RAB3C: variants seen among roughly 807,000 people sequenced by gnomAD.
RAB3C encodes the protein ras-related protein Rab-3C.
Under a neutral mutation model 26.4 loss-of-function variants are expected in RAB3C, and 17 were observed. The ratio of observed to expected loss-of-function variants is 0.64; its 90% CI spans 0.44 to 0.97. The LOEUF (loss-of-function observed/expected upper bound fraction) is 0.97. Ranked by LOEUF, RAB3C falls within the 50% of genes least tolerant of loss-of-function variation. The pLI, the probability that RAB3C is intolerant of heterozygous loss-of-function variation, is 0.00. For synonymous variants in RAB3C, 91 were observed against 95.9 expected (o/e 0.95, Z 0.30); for missense variants, 242 against 281.9 (o/e 0.86, Z 1.01).
intron 3 of RAB3C, among the ~76,000 whole-genome samples, chr5:58,820,963 A>G (rs1279048511): frequency 6.6e-6 from 1 of 152,200 alleles, no homozygotes; most frequent in Non-Finnish European, 1.5e-5. Flanking sequence ...CAAGCATTCC[A>G]TTAATTTGGT....
At chr5:58,832,828 A>C (rs1489333193) in intron 4 of RAB3C, among the ~76,000 whole-genome samples, 1 of 152,128 alleles carries the variant, frequency 6.6e-6, no homozygotes, top group African/African-American at 2.4e-5. Context: ...ATCATGGAGA[A>C]CCTTGTTTGA....
intron 2 of RAB3C, among the ~76,000 whole-genome samples, chr5:58,682,164 GT>G: frequency 6.6e-6 from 1 of 152,312 alleles, no homozygotes; most frequent in East Asian, 1.9e-4. Flanking sequence ...CAATGGTGAT[GT>G]CAAGTGAGCT....
chr5:58,779,246 T>C (rs1474329252), intron 3 of RAB3C, among the ~76,000 whole-genome samples: 1 of 151,874 alleles, frequency 6.6e-6, no homozygotes, highest in Non-Finnish European at 1.5e-5. Context: ...AACTGTCAGC[T>C]CTAAGTATCT....
intron 3 of RAB3C, among the ~76,000 whole-genome samples, chr5:58,768,967 C>T (rs12523414): frequency 0.56 from 85,118 of 151,970 alleles, 24,269 homozygotes; most frequent in South Asian, 0.67. Flanking sequence ...GCGACTTGAA[C>T]CTACACAAGA....
At chr5:58,635,014 A>G (rs915949003) in intron 2 of RAB3C, among the ~76,000 whole-genome samples, 2 of 152,234 alleles carry the variant, frequency 1.3e-5, no homozygotes, top group Non-Finnish European at 2.9e-5. Flanking sequence ...ATACAAGTGC[A>G]TTATTGAATT....
chr5:58,797,400 C>CAG (rs1207527399), intron 3 of RAB3C, among the ~76,000 whole-genome samples: 10 of 123,430 alleles, frequency 8.1e-5, no homozygotes, highest in Middle Eastern at 4.4e-3. Flanking sequence ...TATATATACA[C>CAG]AGAGAGAGAG....
intron 3 of RAB3C, among the ~76,000 whole-genome samples, chr5:58,743,038 G>C (rs1486787920): frequency 6.6e-6 from 1 of 152,164 alleles, no homozygotes; most frequent in African/African-American, 2.4e-5. Context: ...GGGACTCTGA[G>C]TCTGATGAGG....
intron 3 of RAB3C, among the ~76,000 whole-genome samples, chr5:58,739,845 C>T (rs571718970): frequency 3.3e-5 from 5 of 152,168 alleles, no homozygotes; most frequent in African/African-American, 7.2e-5. Context: ...ATCCTACAAC[C>T]TAATTTTTAT....
intron 3 of RAB3C, among the ~76,000 whole-genome samples, chr5:58,805,526 AGT>A (rs1742918048): frequency 6.8e-6 from 1 of 147,008 alleles, no homozygotes; most frequent in Non-Finnish European, 1.5e-5. Flanking sequence ...CAGACGTTGC[AGT>A]GAGCTGAGAT....
intron 2 of RAB3C, among the ~76,000 whole-genome samples, chr5:58,721,663 A>G (rs1740769544): frequency 6.6e-6 from 1 of 151,860 alleles, no homozygotes; most frequent in African/African-American, 2.4e-5. Context: ...AGAAAATGCT[A>G]ATGAGTTTAT....
At chr5:58,611,298 A>G (rs1340508340) in intron 1 of RAB3C, among the ~76,000 whole-genome samples, 1 of 137,156 alleles carries the variant, frequency 7.3e-6, no homozygotes, top group Non-Finnish European at 1.7e-5. Flanking sequence ...TCTTTGGGGA[A>G]TTGCCACACT....
At chr5:58,732,545 G>A (rs190275609) in intron 3 of RAB3C, among the ~76,000 whole-genome samples, 62 of 152,260 alleles carry the variant, frequency 4.1e-4, no homozygotes, top group African/African-American at 1.5e-3. Flanking sequence ...CGCACCTTCA[G>A]TGAAGGCCTC....
chr5:58,698,982 G>A (rs904810635), intron 2 of RAB3C, among the ~76,000 whole-genome samples: 9 of 152,196 alleles, frequency 5.9e-5, no homozygotes, highest in African/African-American at 2.2e-4. Flanking sequence ...ACAAGGAGCT[G>A]CGATCCTTTG....
intron 2 of RAB3C, among the ~76,000 whole-genome samples, chr5:58,660,142 A>C (rs1747870742): frequency 3.4e-5 from 5 of 146,552 alleles, no homozygotes; most frequent in Admixed American, 1.3e-4. Flanking sequence ...CCTTGGGATG[A>C]AGAAATAAAA....
chr5:58,742,604 A>C (rs292949), intron 3 of RAB3C, among the ~76,000 whole-genome samples: 1 of 152,036 alleles, frequency 6.6e-6, no homozygotes. Context: ...ACTTGAAAAC[A>C]TAGATGCTTT....
chr5:58,790,417 G>T (rs1471119757), intron 3 of RAB3C, among the ~76,000 whole-genome samples: 1 of 152,112 alleles, frequency 6.6e-6, no homozygotes, highest in Non-Finnish European at 1.5e-5. Context: ...AATGCCAAAG[G>T]AAGACAATGC....
intron 2 of RAB3C, among the ~76,000 whole-genome samples, chr5:58,713,327 C>A (rs1464978433): frequency 1.3e-5 from 2 of 152,090 alleles, no homozygotes; most frequent in Non-Finnish European, 1.5e-5. Context: ...TTTTTCAAAA[C>A]AAATTAGAAA....
At chr5:58,678,217 A>G (rs1339796248) in intron 2 of RAB3C, among the ~76,000 whole-genome samples, 1 of 152,274 alleles carries the variant, frequency 6.6e-6, no homozygotes, top group East Asian at 1.9e-4. Context: ...TTCATATAAG[A>G]CAAAAAAGAT....
intron 2 of RAB3C, among the ~76,000 whole-genome samples, chr5:58,712,580 A>G (rs991282193): frequency 2.6e-5 from 4 of 152,280 alleles, no homozygotes; most frequent in African/African-American, 9.6e-5. Flanking sequence ...GCTGGAGTTC[A>G]GTGGAGCGAT....
Sources: gnomAD v4.1 joint callset for allele counts (sites outside exome capture counted in the v4.1 genomes callset) on GRCh38, gnomAD v4.1.1 for gene constraint, MANE v1.5 for transcripts, NCBI Gene and HGNC (gene_info 2026-07-23, HGNC 2026-07-21) for gene names.